The following CEP295 variants were observed in gnomAD, a reference collection of about 807,000 sequenced individuals.
CEP295 encodes the protein centrosomal protein 295.
A neutral mutation model predicts 291.6 loss-of-function variants in CEP295; 190 were observed. The ratio of observed to expected loss-of-function variants is 0.65; its 90% CI spans 0.58 to 0.73. The LOEUF (loss-of-function observed/expected upper bound fraction) is 0.73, where lower values mean the gene tolerates loss of function less well. Ranked by LOEUF, CEP295 falls within the 30% of genes least tolerant of loss-of-function variation. CEP295 has a pLI of 0.00. For synonymous variants in CEP295, 993 were observed against 1,038.8 expected (o/e 0.96, Z 0.85); for missense variants, 2,863 against 2,949.4 (o/e 0.97, Z 0.68).
Position 93,699,606 on chromosome 11 carries a change from A to T in CEP295, c.4694A>T (p.Lys1565Met). The T allele has an allele frequency of 6.4e-7, 1 of 1,551,858 alleles. No homozygotes were observed. The highest frequency in any genetic ancestry group is 1.4e-5 in the African/African-American group (1 of 73,184). Residue 1565 changes from lysine (K) to methionine (M), a missense_variant, in exon 15 of 30, where the codon AAG becomes ATG. Physicochemically the swap from Lys to Met is moderately conservative, Grantham distance 95 (BLOSUM62 -1). Transcript: ENST00000325212. ...VPVADSERTQ[K>M]SFPTKSNDTL... The stretch of plus-strand genomic sequence containing the variant: ...GTTGCTGACTCTGAAAGAACCCAGA[A>T]GTCTTTCCCAACCAAAAGTAATGAT...
intron 17 of CEP295, among the ~76,000 whole-genome samples, chr11:93,705,895 C>T (rs1157432293): frequency 2.6e-5 from 4 of 152,092 alleles, no homozygotes; most frequent in Admixed American, 6.5e-5. Context: ...TTAGTTTCTT[C>T]AAAGAAATAC....
chr11:93,721,882 G>C, intron 19 of CEP295, 72 bp from the exon 20 acceptor site: 2 of 968,634 alleles, frequency 2.1e-6, no homozygotes, highest in Non-Finnish European at 3.4e-6. Context: ...GACAACTGCT[G>C]GGGTTGGTGA....
intron 5 of CEP295, among the ~76,000 whole-genome samples, chr11:93,670,997 C>T (rs1165362966): frequency 6.6e-6 from 1 of 152,136 alleles, no homozygotes; most frequent in African/African-American, 2.4e-5. Flanking sequence ...ATCCTCCCAC[C>T]TCAGCCTCCT....
intron 6 of CEP295, among the ~76,000 whole-genome samples, chr11:93,678,191 A>C (rs1950792682): frequency 6.6e-6 from 1 of 152,214 alleles, no homozygotes; most frequent in Admixed American, 6.5e-5. Context: ...AAGAATTCAT[A>C]AACAACTTTT....
chr11:93,721,808 A>T (rs1324917203), intron 19 of CEP295, 146 bp from the exon 20 acceptor site: 1 of 726,798 alleles, frequency 1.4e-6, no homozygotes, highest in African/African-American at 1.7e-5. Context: ...GGCAATGATG[A>T]AAAGGTTTTA....
chr11:93,721,495 T>C (rs1368810171), intron 19 of CEP295, 83 bp downstream of exon 19: 19 of 915,986 alleles, frequency 2.1e-5, no homozygotes, highest in Admixed American at 1.4e-4. Flanking sequence ...GAAGCTATGT[T>C]ATAACATTAA....
Position 93,699,054 on chromosome 11 carries a change from G to T in CEP295, c.4142G>T (p.Ser1381Ile). The T allele has an allele frequency of 6.5e-7, 1 of 1,546,138 alleles. No homozygotes were observed. The highest frequency in any genetic ancestry group is 1.2e-5 in the South Asian group (1 of 84,062). The change falls in exon 15 of 30, where the codon AGT becomes ATT. Residue 1381 changes from serine (S) to isoleucine (I), a missense_variant. Physicochemically the swap from Ser to Ile is moderately radical, Grantham distance 142. Transcript: ENST00000325212. ...EAREELLLHQ[S>I]EWEGRISPEQ... ...CGGGAAGAATTACTTTTACATCAGA[G>T]TGAATGGGAGGGAAGAATATCTCCC... is the stretch of plus-strand genomic sequence containing the variant.
rs1252920434 is a variant in CEP295 at position 93,699,960 on chromosome 11, G to C, written c.5048G>C (p.Ser1683Thr). Residue 1683 changes from serine to threonine, a missense_variant, in exon 15 of 30, where the codon AGT becomes ACT. Physicochemically the swap from Ser to Thr is moderately conservative, Grantham distance 58. Transcript: ENST00000325212. Reference protein sequence around the residue: ...SSQNEHAAPPSNPVIPGFQDR... With the variant: ...SSQNEHAAPPTNPVIPGFQDR... ...CAGAATGAACATGCAGCCCCCCCAAGTAATCCTGTGATCCCAGGGTTTCAA... is the reference window on the plus strand; with the variant it reads ...CAGAATGAACATGCAGCCCCCCCAACTAATCCTGTGATCCCAGGGTTTCAA... The C allele has an allele frequency of 2.6e-6, 4 of 1,551,584 alleles. No individual in the cohort carries two copies. In the African/African-American group the frequency reaches 5.5e-5, roughly 21 times the overall value.
chr11:93,728,952 G>C, intron 25 of CEP295, 131 bp downstream of exon 25: 1 of 725,396 alleles, frequency 1.4e-6, no homozygotes, highest in Admixed American at 3.3e-5. Flanking sequence ...ACCCCCACCA[G>C]CTCTCAATTT....
Position 93,697,740 on chromosome 11 carries a change from T to G in CEP295, c.2828T>G (p.Ile943Ser). 6.4e-7 allele frequency: 1 copy of G among 1,551,688 alleles called. No homozygotes were observed. The highest frequency in any genetic ancestry group is 8.7e-7 in the Non-Finnish European group (1 of 1,146,998). The change falls in exon 15 of 30, where the codon ATC becomes AGC. Residue 943 changes from isoleucine (I) to serine (S), a missense_variant. By Grantham distance (142) the Ile-to-Ser change is moderately radical (BLOSUM62 -2). Around this residue, in one of 3 missense-constraint regions of CEP295, gnomAD observed 2,295 missense variants for 2,335.7 expected, o/e 0.98. Transcript: ENST00000325212. ...QDKRLSLSQP[I>S]LSQQNNFKFL... ...AAGCGTTTGAGTCTTTCACAGCCTA[T>G]CCTATCACAGCAAAATAATTTTAAA...
chr11:93,725,102 A>G (rs975311621), intron 22 of CEP295, among the ~76,000 whole-genome samples: 2 of 151,932 alleles, frequency 1.3e-5, no homozygotes, highest in Non-Finnish European at 2.9e-5. Context: ...TAAAAAACAC[A>G]AAAATTAGTT....
intron 5 of CEP295, among the ~76,000 whole-genome samples, chr11:93,673,396 T>C (rs1950538145): frequency 6.6e-6 from 1 of 152,236 alleles, no homozygotes; most frequent in African/African-American, 2.4e-5. Context: ...ATTGTACATA[T>C]CTGGATGTAT....
intron 18 of CEP295, among the ~76,000 whole-genome samples, chr11:93,711,689 G>C (rs1423978344): frequency 1.3e-5 from 2 of 152,038 alleles, no homozygotes; most frequent in Non-Finnish European, 2.9e-5. Context: ...TTTTAGTATA[G>C]ATGGAGTTTC....
rs1953987869 is a variant in CEP295, at chr11:93,724,451, GTTC to G, written c.6318+81_6318+83del. 2.9e-6 allele frequency: 4 copies of G among 1,400,874 alleles called. No individual in the cohort carries two copies. In the African/African-American group the frequency reaches 5.7e-5, roughly 20 times the overall value. The allele number at this position is 1,400,874 out of a possible 1,614,324, so 86.8% of individuals were successfully genotyped here. ...AGCCATTTCTTCTACTGGAACAAAA[GTTC>G]TTCTAAACCCTTACCTAGAATCACA... is the stretch of plus-strand genomic sequence containing the variant. On this transcript the variant is annotated intron_variant, in intron 22 of 29. Transcript: ENST00000325212.
At position 93,696,791 on chromosome 11, in the gene CEP295, G is replaced by A. The variant is rs1951866622; in HGVS notation, c.1879G>A (p.Val627Ile). Residue 627 changes from valine (V) to isoleucine (I), a missense_variant, in exon 15 of 30, where the codon GTT becomes ATT. By Grantham distance (29) the Val-to-Ile change is conservative (BLOSUM62 3). Around this residue, in one of 3 missense-constraint regions of CEP295, gnomAD observed 2,295 missense variants for 2,335.7 expected, o/e 0.98. Coordinates refer to ENST00000325212, the MANE Select transcript of CEP295 (RefSeq NM_033395.2). Reference protein sequence around the residue: ...VSAPSLITDSVISVPSWKSER... With the variant: ...VSAPSLITDSIISVPSWKSER... ...AGCTCCATCATTGATAACTGATTCTGTTATATCAGTGCCATCATGGAAATC... is the reference window on the plus strand; with the variant it reads ...AGCTCCATCATTGATAACTGATTCTATTATATCAGTGCCATCATGGAAATC... 3 of 1,551,560 alleles carry A rather than the reference G, an allele frequency of 1.9e-6. No homozygotes were observed. Among genetic ancestry groups the A allele is most frequent in the East Asian group, 4.9e-5 (2 of 40,910 alleles).
intron 22 of CEP295, among the ~76,000 whole-genome samples, chr11:93,725,027 G>A (rs1435374622): frequency 6.6e-6 from 1 of 152,052 alleles, no homozygotes; most frequent in Non-Finnish European, 1.5e-5. Context: ...GTCTGAGGCA[G>A]GTGGATTGCT....
chr11:93,728,653 TG>T (rs754075302), intron 24 of CEP295, 27 bp from the exon 25 acceptor site: 1 of 1,507,752 alleles, frequency 6.6e-7, no homozygotes. Context: ...TATTTTGACA[TG>T]GTTTTCCTTT....
At chr11:93,688,256 T>TTAA (rs1951343523) in intron 10 of CEP295, among the ~76,000 whole-genome samples, 1 of 152,200 alleles carries the variant, frequency 6.6e-6, no homozygotes. Context: ...TATGAGCATG[T>TTAA]TAATGGCTTT....
chr11:93,668,391 C>T (rs777960948), intron 3 of CEP295, among the ~76,000 whole-genome samples: 1 of 152,010 alleles, frequency 6.6e-6, no homozygotes. Context: ...TAGTAATAGC[C>T]GTAAGTTCTG....
Sources: allele counts gnomAD v4.1 joint callset (sites outside exome capture counted in the v4.1 genomes callset), GRCh38; gene constraint gnomAD v4.1.1; regional missense constraint gnomAD v4.1.1; transcripts MANE v1.5; gene names NCBI Gene and HGNC (gene_info 2026-07-23, HGNC 2026-07-21).